The following AGBL1 variants were observed in gnomAD, a reference collection of about 807,000 sequenced individuals.
The protein encoded by AGBL1 is AGBL carboxypeptidase 1.
AGBL1 carries 130 observed loss-of-function variants against 118.9 expected under a neutral mutation model. The ratio of observed to expected loss-of-function variants is 1.09; its 90% CI spans 0.95 to 1.26. The LOEUF (loss-of-function observed/expected upper bound fraction) is 1.26, where lower values mean the gene tolerates loss of function less well. AGBL1 is among the 50% of genes most tolerant of loss of function. The probability of loss-of-function intolerance (pLI) is 0.00; values close to 1 mark genes in which losing one functional copy is unlikely to be tolerated. For synonymous variants in AGBL1, 555 were observed against 478.9 expected, an observed-to-expected ratio of 1.16 and a Z score of -2.08; for missense variants, 1,584 against 1,298.1, an observed-to-expected ratio of 1.22 and a Z score of -3.38.
At chr15:86,974,972 A>C (rs966865804) in intron 23 of AGBL1, among the ~76,000 whole-genome samples, 2 of 152,004 alleles carry the variant, frequency 1.3e-5, no homozygotes, top group African/African-American at 4.8e-5. Flanking sequence ...TAGGGACTTT[A>C]GGCAAGGGTC....
At chr15:86,793,107 G>A (rs1398570930) in intron 22 of AGBL1, among the ~76,000 whole-genome samples, 1 of 152,034 alleles carries the variant, frequency 6.6e-6, no homozygotes, top group African/African-American at 2.4e-5. Flanking sequence ...TTTTAAAAAT[G>A]GTAACAAAAA....
intron 5 of AGBL1, among the ~76,000 whole-genome samples, chr15:86,221,212 A>AT (rs1390551719): frequency 6.6e-6 from 1 of 152,138 alleles, no homozygotes; most frequent in Non-Finnish European, 1.5e-5. Flanking sequence ...AAAATAAAAA[A>AT]TAAAAAATGA....
intron 17 of AGBL1, among the ~76,000 whole-genome samples, chr15:86,297,405 C>G (rs35375099): frequency 3.2e-4 from 48 of 152,152 alleles, no homozygotes; most frequent in Non-Finnish European, 5.7e-4. Context: ...CAGAGCTCTC[C>G]TGCTTAGAAG....
chr15:86,565,474 C>G (rs1001765148), intron 21 of AGBL1, among the ~76,000 whole-genome samples: 1 of 152,232 alleles, frequency 6.6e-6, no homozygotes, highest in African/African-American at 2.4e-5. Flanking sequence ...ATGTTGCTGC[C>G]TGATCGTTCC....
chr15:86,280,774 G>A (rs1470654562), intron 16 of AGBL1, among the ~76,000 whole-genome samples: 2 of 152,164 alleles, frequency 1.3e-5, no homozygotes, highest in East Asian at 3.9e-4. Flanking sequence ...TTTTCGCATA[G>A]AGAAGGCATA....
chr15:86,840,185 CAT>C (rs984052711), intron 22 of AGBL1, among the ~76,000 whole-genome samples: 2 of 152,184 alleles, frequency 1.3e-5, no homozygotes, highest in Admixed American at 1.3e-4. Flanking sequence ...CGTTTGTCAA[CAT>C]AGGGTACAGA....
intron 9 of AGBL1, among the ~76,000 whole-genome samples, chr15:86,260,939 G>A (rs1334130407): frequency 6.6e-6 from 1 of 152,228 alleles, no homozygotes; most frequent in Non-Finnish European, 1.5e-5. Flanking sequence ...CAACCTGGCT[G>A]AGTGCCTGGT....
At chr15:86,970,511 C>G (rs2081096337) in intron 23 of AGBL1, among the ~76,000 whole-genome samples, 1 of 151,934 alleles carries the variant, frequency 6.6e-6, no homozygotes, top group South Asian at 2.1e-4. Flanking sequence ...CGACGTTGAG[C>G]TATGTGCTCA....
chr15:86,165,140 AG>A lies in AGBL1; in HGVS notation c.488+6115del, dbSNP rs770328459. 2.7e-4 allele frequency among the ~76,000 whole-genome samples: 41 copies of A among 152,194 alleles called. 1 individual carries two copies. Among genetic ancestry groups the A allele is most frequent in the Non-Finnish European group, 1.0e-4 (7 of 68,034 alleles). On this transcript the variant is annotated intron_variant, in intron 5 of 22. Coordinates refer to ENST00000614907, the MANE Select transcript of AGBL1 (RefSeq NM_001386094.1). ...GATGGATATGTTTGGTCTTCAAGCA[AG>A]CTTCATAAGCAAATTCTTCACCTTA...
intron 21 of AGBL1, among the ~76,000 whole-genome samples, chr15:86,595,902 G>A (rs560871444): frequency 6.6e-6 from 1 of 152,048 alleles, no homozygotes; most frequent in African/African-American, 2.4e-5. Context: ...GCACTGAGTC[G>A]GTCTCTGGGT....
chr15:86,735,032 T>C (rs2077572982), intron 22 of AGBL1, among the ~76,000 whole-genome samples: 3 of 149,874 alleles, frequency 2.0e-5, no homozygotes, highest in Admixed American at 1.3e-4. Flanking sequence ...ATAGGCATCA[T>C]ACTCAGTGTG....
At chr15:86,856,583 T>C (rs1180893582) in intron 22 of AGBL1, among the ~76,000 whole-genome samples, 1 of 152,232 alleles carries the variant, frequency 6.6e-6, no homozygotes, top group Non-Finnish European at 1.5e-5. Context: ...TTGGTATTGA[T>C]AAATAAAGTG....
intron 21 of AGBL1, among the ~76,000 whole-genome samples, chr15:86,589,993 GT>G (rs2084310080): frequency 6.6e-6 from 1 of 152,074 alleles, no homozygotes; most frequent in Admixed American, 6.6e-5. Context: ...CCCTCAGAGG[GT>G]TTGTTGAACA....
chr15:86,830,148 A>G (rs1278073923), intron 22 of AGBL1, among the ~76,000 whole-genome samples: 1 of 152,156 alleles, frequency 6.6e-6, no homozygotes, highest in Non-Finnish European at 1.5e-5. Context: ...GGTATAACGC[A>G]TATACTCTAC....
intron 22 of AGBL1, among the ~76,000 whole-genome samples, chr15:86,844,121 A>G (rs537088753): frequency 2.6e-5 from 4 of 152,080 alleles, no homozygotes; most frequent in Non-Finnish European, 5.9e-5. Flanking sequence ...TATTTTGTTT[A>G]TCCATGCACC....
At chr15:86,171,019 G>A (rs1316806668) in intron 5 of AGBL1, among the ~76,000 whole-genome samples, 1 of 152,170 alleles carries the variant, frequency 6.6e-6, no homozygotes, top group East Asian at 1.9e-4. Flanking sequence ...CAGCATTTTT[G>A]AAGTATGGAA....
At chr15:86,140,250 G>GC (rs1555434516) in intron 1 of AGBL1, 6 of 143,600 alleles carry the variant, frequency 4.2e-5, no homozygotes, top group Non-Finnish European at 9.2e-5. Flanking sequence ...ATTACTGTGG[G>GC]TTTTTTTTTT....
At chr15:87,012,031 T>C (rs1281513545) in intron 24 of AGBL1, among the ~76,000 whole-genome samples, 1 of 152,146 alleles carries the variant, frequency 6.6e-6, no homozygotes, top group Non-Finnish European at 1.5e-5. Flanking sequence ...TTGAGGTTTA[T>C]AAAAGGCCCA....
At chr15:87,007,522 A>G (rs888733292) in intron 24 of AGBL1, among the ~76,000 whole-genome samples, 1 of 152,206 alleles carries the variant, frequency 6.6e-6, no homozygotes, top group Non-Finnish European at 1.5e-5. Flanking sequence ...TTCTTGATAC[A>G]AATATATTGC....
Sources: allele counts gnomAD v4.1 joint callset (sites outside exome capture counted in the v4.1 genomes callset), GRCh38; gene constraint gnomAD v4.1.1; transcripts MANE v1.5; gene names NCBI Gene and HGNC (gene_info 2026-07-23, HGNC 2026-07-21).